The following CRADD variants were observed in gnomAD, a reference collection of about 807,000 sequenced individuals.
The protein encoded by CRADD is death domain-containing protein CRADD.
In CRADD, 9 loss-of-function variants were observed where a neutral mutation model predicts 15.5. The observed-to-expected ratio is 0.58, with a 90% CI of 0.35 to 1.01. The LOEUF (loss-of-function observed/expected upper bound fraction) is 1.01. Ranked by LOEUF, CRADD falls within the 50% of genes least tolerant of loss-of-function variation. The pLI is 0.02. For missense variants in CRADD, 227 were observed against 250.3 expected (o/e 0.91, Z 0.63); for synonymous variants, 118 against 107.6 (o/e 1.10, Z -0.60).
intron 2 of CRADD, among the ~76,000 whole-genome samples, chr12:93,740,329 T>G (rs903112767): frequency 1.3e-5 from 2 of 152,150 alleles, no homozygotes; most frequent in Non-Finnish European, 2.9e-5. Flanking sequence ...TATTTCTCTT[T>G]TTCATTAACA....
chr12:93,753,957 C>A (rs797018395), intron 2 of CRADD, among the ~76,000 whole-genome samples: 1 of 152,350 alleles, frequency 6.6e-6, no homozygotes, highest in Non-Finnish European at 1.5e-5. Flanking sequence ...GGGCTCCAAC[C>A]CCACATTTTC....
At chr12:93,714,121 A>C (rs1251371482) in intron 2 of CRADD, among the ~76,000 whole-genome samples, 2 of 152,230 alleles carry the variant, frequency 1.3e-5, no homozygotes, top group African/African-American at 4.8e-5. Flanking sequence ...AGACCCTTCT[A>C]AAATAGTTGT....
At chr12:93,807,981 CAAAAAA>C (rs368104878) in intron 2 of CRADD, among the ~76,000 whole-genome samples, 2 of 67,744 alleles carry the variant, frequency 3.0e-5, no homozygotes, top group African/African-American at 1.2e-4. Flanking sequence ...AAGTGTTATG[CAAAAAA>C]AAAAAAAAAA....
chr12:93,710,108 T>C (rs1161749254), intron 2 of CRADD, among the ~76,000 whole-genome samples: 1 of 152,192 alleles, frequency 6.6e-6, no homozygotes, highest in Non-Finnish European at 1.5e-5. Context: ...TTCTGTTCCA[T>C]GTGGTGGTGT....
chr12:93,882,460 ATAT>A (rs1958509587), intron 2 of CRADD, among the ~76,000 whole-genome samples: 1 of 151,038 alleles, frequency 6.6e-6, no homozygotes, highest in Non-Finnish European at 1.5e-5. Flanking sequence ...AAATATATAC[ATAT>A]TATACACACA....
chr12:93,887,351 C>T (rs1958544751), intron 2 of CRADD, among the ~76,000 whole-genome samples: 1 of 152,266 alleles, frequency 6.6e-6, no homozygotes, highest in East Asian at 1.9e-4. Flanking sequence ...TTGCCGTCGG[C>T]AGATCTCAAT....
chr12:93,755,870 T>G (rs1956884340), intron 2 of CRADD, among the ~76,000 whole-genome samples: 1 of 152,254 alleles, frequency 6.6e-6, no homozygotes, highest in African/African-American at 2.4e-5. Context: ...TTTTAAAGAT[T>G]AAGGTACAGA....
chr12:93,885,496 G>A (rs1232176958), intron 2 of CRADD, among the ~76,000 whole-genome samples: 1 of 151,568 alleles, frequency 6.6e-6, no homozygotes, highest in African/African-American at 2.4e-5. Flanking sequence ...GGGTTGTTGA[G>A]TATGTGTTCC....
intron 2 of CRADD, among the ~76,000 whole-genome samples, chr12:93,681,925 T>C (rs1202229451): frequency 6.6e-6 from 1 of 152,208 alleles, no homozygotes; most frequent in African/African-American, 2.4e-5. Context: ...TTTTTGTGTG[T>C]GTGGGAAGGA....
At chr12:93,880,812 C>T (rs1002119603) in intron 2 of CRADD, among the ~76,000 whole-genome samples, 4 of 152,206 alleles carry the variant, frequency 2.6e-5, no homozygotes, top group African/African-American at 7.2e-5. Flanking sequence ...GCAGAAAACT[C>T]TATTTTCAGA....
chr12:93,856,794 A>T (rs2137055943), intron 2 of CRADD, among the ~76,000 whole-genome samples: 1 of 152,320 alleles, frequency 6.6e-6, no homozygotes, highest in African/African-American at 2.4e-5. Context: ...AGTTTTAGGT[A>T]TTAGGCATAT....
At chr12:93,797,470 C>T (rs1323104765) in intron 2 of CRADD, among the ~76,000 whole-genome samples, 1 of 152,062 alleles carries the variant, frequency 6.6e-6, no homozygotes, top group African/African-American at 2.4e-5. Context: ...TGAAGGAGGC[C>T]CTGAGAACAT....
Position 93,729,256 on chromosome 12 carries a change from G to A in CRADD, c.298+50184G>A, listed in dbSNP as rs1189458084. ...CTTTAATGCCAGGGTGGCACATCAA[G>A]TCAGTGATGAGATTTGTAAAAGGCA... On this transcript the variant is annotated intron_variant, in intron 2 of 2. Transcript: ENST00000332896. Among the ~76,000 whole-genome samples, 8 of 152,300 alleles carry A rather than the reference G, an allele frequency of 5.3e-5. No individual in the cohort carries two copies. The East Asian group carries it at 1.5e-3, about 29-fold the overall frequency.
intron 2 of CRADD, among the ~76,000 whole-genome samples, chr12:93,891,587 C>T (rs1180304884): frequency 6.6e-6 from 1 of 152,206 alleles, no homozygotes; most frequent in African/African-American, 2.4e-5. Flanking sequence ...TGCATGTACA[C>T]ACTTATGTGT....
chr12:93,695,794 G>A (rs1265626774), intron 2 of CRADD, among the ~76,000 whole-genome samples: 1 of 152,268 alleles, frequency 6.6e-6, no homozygotes, highest in South Asian at 2.1e-4. Flanking sequence ...TACTTGGGAG[G>A]CTGAGGCAGG....
intron 2 of CRADD, among the ~76,000 whole-genome samples, chr12:93,857,230 A>G (rs1210999001): frequency 3.3e-5 from 5 of 152,198 alleles, no homozygotes; most frequent in Non-Finnish European, 7.3e-5. Flanking sequence ...TTTGATGTCA[A>G]ATTACATTCT....
intron 2 of CRADD, among the ~76,000 whole-genome samples, chr12:93,823,621 G>C (rs1468295322): frequency 6.6e-6 from 1 of 152,174 alleles, no homozygotes; most frequent in East Asian, 1.9e-4. Context: ...CTTCAGTTCA[G>C]GCATTTATTT....
intron 2 of CRADD, among the ~76,000 whole-genome samples, chr12:93,751,567 TA>T (rs1956828801): frequency 6.6e-6 from 1 of 152,196 alleles, no homozygotes; most frequent in Non-Finnish European, 1.5e-5. Flanking sequence ...TACTTGACTC[TA>T]AATCCTTTAT....
chr12:93,806,344 C>T (rs747125388), intron 2 of CRADD, among the ~76,000 whole-genome samples: 1 of 149,200 alleles, frequency 6.7e-6, no homozygotes. Flanking sequence ...CCCAGCTACT[C>T]AGGAGGCTGA....
Sources: allele counts gnomAD v4.1 joint callset (sites outside exome capture counted in the v4.1 genomes callset), GRCh38; gene constraint gnomAD v4.1.1; transcripts MANE v1.5; gene names NCBI Gene and HGNC (gene_info 2026-07-23, HGNC 2026-07-21).